The following HNF1A variants were observed in gnomAD, a reference collection of about 807,000 sequenced individuals.
HNF1A encodes HNF1 homeobox A.
Under a neutral mutation model 62.2 loss-of-function variants are expected in HNF1A, and 21 were observed. The observed-to-expected ratio is 0.34, with a 90% CI of 0.24 to 0.49. HNF1A has a LOEUF of 0.49. Ranked by LOEUF, HNF1A falls within the 20% of genes least tolerant of loss-of-function variation. HNF1A has a pLI of 0.99. For missense variants in HNF1A, 687 were observed against 832.3 expected (o/e 0.83, Z 2.15); for synonymous variants, 374 against 366.8 (o/e 1.02, Z -0.22).
rs757721117 is a variant in HNF1A, at chr12:120,978,961, G to A, written c.193G>A (p.Gly65Arg). Residue 65 changes from glycine to arginine, a missense_variant, in exon 1 of 10, where the codon GGG (glycine) becomes AGG (arginine). Around this residue, in one of 5 missense-constraint regions of HNF1A, gnomAD observed 159 missense variants for 154.4 expected, o/e 1.03. Transcript: ENST00000257555. ...GELAELPNGLGETRGSEDETD... is the reference protein window; with the variant it reads ...GELAELPNGLRETRGSEDETD... ...GCTGGCTGAGCTGCCCAATGGGCTG[G>A]GGGAGACTCGGGGCTCCGAGGACGA... 6.2e-7 allele frequency: 1 copy of A among 1,608,210 alleles called. No homozygotes were observed. The highest frequency in any genetic ancestry group is 8.5e-7 in the Non-Finnish European group (1 of 1,177,460).
At chr12:120,982,649 T>G (rs1023402649) in intron 1 of HNF1A, among the ~76,000 whole-genome samples, 1 of 152,162 alleles carries the variant, frequency 6.6e-6, no homozygotes, top group African/African-American at 2.4e-5. Context: ...AGAGTAAACA[T>G]GTAGTAACTG....
intron 2 of HNF1A, among the ~76,000 whole-genome samples, chr12:120,990,659 AGG>A: frequency 6.8e-6 from 1 of 146,202 alleles, no homozygotes; most frequent in Non-Finnish European, 1.5e-5. Context: ...AAGGTAGGAA[AGG>A]GAGGAAAGGT....
rs1428925356 is a variant in HNF1A at position 120,978,653 on chromosome 12, G to C, written c.-116G>C. 4.0e-6 allele frequency: 4 copies of C among 988,820 alleles called. No individual in the cohort carries two copies. Among genetic ancestry groups the C allele is most frequent in the South Asian group, 3.9e-5 (3 of 76,742 alleles). The allele number at this position is 988,820 out of a possible 1,614,324, so 61.3% of individuals were successfully genotyped here. ...TGGCTAGTGGGGTTTTGGGGGGGCA[G>C]TGGGTGCAAGGAGTTTGGTTTGTGT... On this transcript the variant is annotated 5_prime_UTR_variant, in exon 1 of 10. Coordinates refer to ENST00000257555, the MANE Select transcript of HNF1A (RefSeq NM_000545.8).
chr12:120,999,835 C>T (rs1165788546), intron 9 of HNF1A, among the ~76,000 whole-genome samples: 1 of 152,182 alleles, frequency 6.6e-6, no homozygotes, highest in East Asian at 1.9e-4. Flanking sequence ...TGGGGCCCAC[C>T]TTACAAGAAC....
At chr12:120,990,713 GAAA>G (rs1280681185) in intron 2 of HNF1A, among the ~76,000 whole-genome samples, 3 of 149,272 alleles carry the variant, frequency 2.0e-5, no homozygotes, top group African/African-American at 7.5e-5. Flanking sequence ...AGAAAAGAAA[GAAA>G]AAGAACGAGA....
chr12:121,002,379 C>A lies in HNF1A; in HGVS notation c.*1187C>A, dbSNP rs558469578. ...GGCCTGCTGCTGAGAACCTGGCCTT[C>A]AGTGTACCGCGTCTACCCTGGGATT... On this transcript the variant is annotated 3_prime_UTR_variant, in exon 10 of 10. Transcript: ENST00000257555. 1.4e-5 allele frequency: 7 copies of A among 508,910 alleles called. No homozygotes were observed. The Middle Eastern group carries it at 2.3e-3, about 167-fold the overall frequency. 31.5% of individuals were successfully genotyped at this position (508,910 alleles called of 1,614,324 possible). A position where few individuals can be genotyped will look rare whatever the true frequency, so the allele number is the denominator to read the frequency against.
chr12:120,995,641 T>C (rs1203203225), intron 4 of HNF1A, among the ~76,000 whole-genome samples: 1 of 151,592 alleles, frequency 6.6e-6, no homozygotes, highest in African/African-American at 2.4e-5. Flanking sequence ...CTCCACTGTG[T>C]TCACACAACT....
At position 120,983,638 on chromosome 12, in the gene HNF1A, C is replaced by T. The variant is rs144017252; in HGVS notation, c.326+4544C>T. ...TTGGCTCATTGCAACCTCCGCCTCC[C>T]GGGTTCAAGTGATCCTCCTGCCTCA... On this transcript the variant is annotated intron_variant, in intron 1 of 9. Coordinates refer to ENST00000257555, the MANE Select transcript of HNF1A (RefSeq NM_000545.8). Among the ~76,000 whole-genome samples, 304 of 151,758 alleles carry T rather than the reference C, an allele frequency of 2.0e-3. 2 individuals are homozygous for T. Among genetic ancestry groups the T allele is most frequent in the African/African-American group, 6.9e-3 (285 of 41,340 alleles).
rs560696282 is a variant in HNF1A, at chr12:121,002,399, G to T, written c.*1207G>T. 75 of 528,678 alleles carry T rather than the reference G, an allele frequency of 1.4e-4. 2 individuals carry two copies. Among genetic ancestry groups the T allele is most frequent in the South Asian group, 1.2e-3 (75 of 64,746 alleles). The allele number at this position is 528,678 out of a possible 1,614,324, so 32.7% of individuals were successfully genotyped here. On this transcript the variant is annotated 3_prime_UTR_variant, in exon 10 of 10. Transcript: ENST00000257555. ...GCCTTCAGTGTACCGCGTCTACCCTGGGATTCAGGAAAAGGCCTGGGGTGA... is the reference window on the plus strand; with the variant it reads ...GCCTTCAGTGTACCGCGTCTACCCTTGGATTCAGGAAAAGGCCTGGGGTGA...
At chr12:120,994,002 T>C (rs1876957514) in intron 3 of HNF1A, among the ~76,000 whole-genome samples, 162 bp from the exon 4 acceptor site, 1 of 152,188 alleles carries the variant, frequency 6.6e-6, no homozygotes, top group African/African-American at 2.4e-5. Flanking sequence ...TCAGACAGAC[T>C]GTCAATTGCC....
At chr12:120,995,242 TACTCCATCCACTCCATTCAGCTCC>T (rs1877042854) in intron 4 of HNF1A, among the ~76,000 whole-genome samples, 2 of 147,034 alleles carry the variant, frequency 1.4e-5, no homozygotes, top group African/African-American at 2.5e-5. Flanking sequence ...TCCATCCACT[TACTCCATCCACTCCATTCAGCTCC>T]ACTCCATCCA....
intron 9 of HNF1A, 151 bp downstream of exon 9, chr12:120,999,778 G>C: frequency 9.0e-7 from 1 of 1,112,604 alleles, no homozygotes. Flanking sequence ...TGGAGGGGTG[G>C]GGTGGGCTTC....
intron 7 of HNF1A, 184 bp downstream of exon 7, chr12:120,997,849 T>C (rs1326388258): frequency 6.8e-6 from 5 of 739,340 alleles, no homozygotes; most frequent in African/African-American, 1.7e-5. Context: ...TCTGTGTGTG[T>C]GCACGACTGC....
At chr12:120,981,313 C>T (rs1385256067) in intron 1 of HNF1A, among the ~76,000 whole-genome samples, 5 of 152,168 alleles carry the variant, frequency 3.3e-5, no homozygotes, top group Non-Finnish European at 5.9e-5. Context: ...CCAGGCCTCC[C>T]TGGGGTGCCC....
At chr12:120,982,650 G>C (rs1472927751) in intron 1 of HNF1A, among the ~76,000 whole-genome samples, 1 of 152,188 alleles carries the variant, frequency 6.6e-6, no homozygotes, top group Non-Finnish European at 1.5e-5. Flanking sequence ...GAGTAAACAT[G>C]TAGTAACTGC....
chr12:120,996,784 A>T lies in HNF1A; in HGVS notation c.1309+42A>T. On this transcript the variant is annotated intron_variant, in intron 6 of 9. Coordinates refer to ENST00000257555, the MANE Select transcript of HNF1A (RefSeq NM_000545.8). The surrounding 1 kb of genome is among the most constrained non-coding windows in gnomAD (Gnocchi z 4.5). ...GGGTGGGCACCTGGGTGGGAGGCTC[A>T]TGGGGCAACCGCAGAATCCAGGAGC... The T allele has an allele frequency of 6.2e-7, 1 of 1,608,224 alleles. No homozygotes were observed. The highest frequency in any genetic ancestry group is 8.5e-7 in the Non-Finnish European group (1 of 1,177,502).
rs2135847815 is a variant in HNF1A, at chr12:120,997,571, C to A, written c.1407C>A (p.His469Gln). Residue 469 changes from histidine to glutamine, a missense_variant, in exon 7 of 10, where the codon CAC (histidine) becomes CAA (glutamine). By Grantham distance (24) the His-to-Gln change is conservative. This residue lies in a region of HNF1A where 408 missense variants were observed against 455.3 expected (regional missense o/e 0.90). Coordinates refer to ENST00000257555, the MANE Select transcript of HNF1A (RefSeq NM_000545.8). ...LQPVQFSQPLHPSYQQPLMPP... is the reference protein window; with the variant it reads ...LQPVQFSQPLQPSYQQPLMPP... Reference sequence around the variant, plus strand: ...CCGTCCAGTTCTCCCAGCCGCTGCACCCCTCCTACCAGCAGCCGCTCATGC... The same window carrying A: ...CCGTCCAGTTCTCCCAGCCGCTGCAACCCTCCTACCAGCAGCCGCTCATGC... 6.2e-7 allele frequency: 1 copy of A among 1,613,866 alleles called. No homozygotes were observed. The highest frequency in any genetic ancestry group is 8.5e-7 in the Non-Finnish European group (1 of 1,179,990).
rs995959616 is a variant in HNF1A, at chr12:121,001,972, C to T, written c.*780C>T. On this transcript the variant is annotated 3_prime_UTR_variant, in exon 10 of 10. Transcript: ENST00000257555. ...CCTGCCTCTACTGGGAAGGCTACTT[C>T]GGGGCTGGGAAGTCGTCCTTACTCC... 2.0e-4 allele frequency: 107 copies of T among 533,746 alleles called. No individual in the cohort carries two copies. The highest frequency in any genetic ancestry group is 1.8e-4 in the Non-Finnish European group (49 of 275,356). The allele number at this position is 533,746 out of a possible 1,614,324, so 33.1% of individuals were successfully genotyped here. A position where few individuals can be genotyped will look rare whatever the true frequency, so the allele number is the denominator to read the frequency against.
intron 1 of HNF1A, among the ~76,000 whole-genome samples, chr12:120,986,169 C>A (rs1317254679): frequency 6.6e-6 from 1 of 152,116 alleles, no homozygotes; most frequent in East Asian, 1.9e-4. Context: ...TTTACACGTG[C>A]ACAAATATGT....
Sources: gnomAD v4.1 joint callset for allele counts (sites outside exome capture counted in the v4.1 genomes callset) on GRCh38, gnomAD v4.1.1 for gene constraint, gnomAD v4.1.1 regional missense constraint, Gnocchi (gnomAD v3.1) non-coding constraint, MANE v1.5 for transcripts, NCBI Gene and HGNC (gene_info 2026-07-23, HGNC 2026-07-21) for gene names.